The following RUVBL1 variants were observed in gnomAD, a reference collection of about 807,000 sequenced individuals.
The protein encoded by RUVBL1 is RuvB like AAA ATPase 1.
A neutral mutation model predicts 52.4 loss-of-function variants in RUVBL1; 4 were observed. That is an observed-to-expected ratio of 0.08 (90% CI 0.04 to 0.17). The LOEUF (loss-of-function observed/expected upper bound fraction) is 0.17, where lower values mean the gene tolerates loss of function less well. Among genes scored for constraint, RUVBL1 ranks in the 10% least tolerant of loss-of-function variants. The pLI is 1.00. For synonymous variants in RUVBL1, 217 were observed against 214.4 expected, an observed-to-expected ratio of 1.01 and a Z score of -0.10; for missense variants, 298 against 572.8, an observed-to-expected ratio of 0.52 and a Z score of 4.90.
intron 1 of RUVBL1, among the ~76,000 whole-genome samples, chr3:128,151,204 C>T (rs577808606): frequency 6.1e-5 from 8 of 130,998 alleles, no homozygotes; most frequent in African/African-American, 2.3e-4. Flanking sequence ...TCTATATATT[C>T]TATATATACA....
intron 3 of RUVBL1, among the ~76,000 whole-genome samples, chr3:128,108,885 C>A (rs1337637410): frequency 6.6e-6 from 1 of 152,136 alleles, no homozygotes; most frequent in Non-Finnish European, 1.5e-5. Flanking sequence ...TAAAAATCCA[C>A]AAAGTACACT....
At chr3:128,121,220 C>T (rs1195745288) in intron 1 of RUVBL1, among the ~76,000 whole-genome samples, 3 of 151,204 alleles carry the variant, frequency 2.0e-5, no homozygotes, top group East Asian at 2.1e-4. Context: ...CTCAGCCTCA[C>T]GAATAACTGA....
intron 1 of RUVBL1, among the ~76,000 whole-genome samples, chr3:128,152,506 G>C (rs1387564673): frequency 6.6e-6 from 1 of 152,052 alleles, no homozygotes; most frequent in Non-Finnish European, 1.5e-5. Flanking sequence ...TTTTCCCTAG[G>C]AGACTTCTCG....
chr3:128,143,362 G>A (rs748806897), intron 1 of RUVBL1, among the ~76,000 whole-genome samples: 1 of 151,832 alleles, frequency 6.6e-6, no homozygotes, highest in African/African-American at 2.4e-5. Context: ...TAGTAGAGAC[G>A]AGGTTTCATT....
At chr3:128,124,775 C>T (rs948911549), upstream of RUVBL1, among the ~76,000 whole-genome samples, 1 of 152,192 alleles carries the variant, frequency 6.6e-6, no homozygotes, top group African/African-American at 2.4e-5. Context: ...GCCCCCGGAA[C>T]AGCCTGGAGA....
chr3:128,099,965 T>A (rs1943075126), intron 6 of RUVBL1, among the ~76,000 whole-genome samples: 1 of 152,170 alleles, frequency 6.6e-6, no homozygotes, highest in African/African-American at 2.4e-5. Flanking sequence ...AGGGGACCTG[T>A]TGGTCCAAGA....
intron 2 of RUVBL1, among the ~76,000 whole-genome samples, chr3:128,118,249 T>C (rs1943570723): frequency 6.6e-6 from 1 of 152,218 alleles, no homozygotes; most frequent in Non-Finnish European, 1.5e-5. Context: ...TTTAAAAAAC[T>C]GTTCACAATT....
chr3:128,065,127 A>C (rs572897339), exon 10 of RUVBL1: 908 of 1,313,654 alleles, frequency 6.9e-4, no homozygotes, highest in Middle Eastern at 4.3e-3. Flanking sequence ...TGTGGGGTGC[A>C]CTGTCATCAT....
At chr3:128,149,089 ATAAT>A (rs1292061823) in intron 1 of RUVBL1, among the ~76,000 whole-genome samples, 1 of 143,698 alleles carries the variant, frequency 7.0e-6, no homozygotes, top group East Asian at 1.9e-4. Flanking sequence ...TGTGTCTGAT[ATAAT>A]TTCTTTTTTC....
chr3:128,129,452 A>G (rs1270720970), intron 1 of RUVBL1, among the ~76,000 whole-genome samples: 1 of 152,206 alleles, frequency 6.6e-6, no homozygotes, highest in Non-Finnish European at 1.5e-5. Context: ...GCTATAATAA[A>G]AAAGAAGAAA....
chr3:128,109,010 C>G (rs1471259145), intron 3 of RUVBL1, among the ~76,000 whole-genome samples: 1 of 151,958 alleles, frequency 6.6e-6, no homozygotes, highest in Non-Finnish European at 1.5e-5. Context: ...AAAATTAAGC[C>G]CCATGGTTTA....
intron 1 of RUVBL1, among the ~76,000 whole-genome samples, chr3:128,145,208 C>A (rs149178004): frequency 1.3e-5 from 2 of 152,168 alleles, no homozygotes; most frequent in East Asian, 3.9e-4. Flanking sequence ...ATAGACATAC[C>A]AATTCATATA....
At chr3:128,096,530 G>A (rs573129341) in intron 8 of RUVBL1, among the ~76,000 whole-genome samples, 2 of 152,194 alleles carry the variant, frequency 1.3e-5, no homozygotes, top group Non-Finnish European at 2.9e-5. Flanking sequence ...GTCTGGGATA[G>A]AAAGAAAATG....
intron 1 of RUVBL1, among the ~76,000 whole-genome samples, chr3:128,153,051 T>G (rs749851305): frequency 8.8e-4 from 110 of 124,930 alleles, no homozygotes; most frequent in African/African-American, 3.1e-3. Flanking sequence ...AGAGCGCCCT[T>G]TTTTCAATCC....
At chr3:128,094,782 G>A (rs1189067412) in intron 8 of RUVBL1, among the ~76,000 whole-genome samples, 1 of 152,206 alleles carries the variant, frequency 6.6e-6, no homozygotes, top group Non-Finnish European at 1.5e-5. Context: ...CTAGAGATCA[G>A]ATGTGGTTCT....
chr3:128,100,438 C>T (rs572166334), intron 6 of RUVBL1, among the ~76,000 whole-genome samples, 157 bp downstream of exon 6: 2 of 152,280 alleles, frequency 1.3e-5, no homozygotes, highest in East Asian at 3.9e-4. Flanking sequence ...CAAAGGAGTC[C>T]CTCGTAGCTC....
chr3:128,080,670 C>T (rs1942444595), downstream of RUVBL1, among the ~76,000 whole-genome samples: 1 of 152,222 alleles, frequency 6.6e-6, no homozygotes, highest in Admixed American at 6.5e-5. Flanking sequence ...CTCCTCAAAA[C>T]TGTCAGGGTC....
intron 1 of RUVBL1, among the ~76,000 whole-genome samples, chr3:128,136,980 CTTAATAGATAT>C (rs139098525): frequency 0.14 from 21,036 of 152,074 alleles, 1,635 homozygotes; most frequent in African/African-American, 0.2. Flanking sequence ...ACCAAATGGA[CTTAATAGATAT>C]TTACAGAACA....
At chr3:128,136,196 A>G (rs1388303590) in intron 1 of RUVBL1, among the ~76,000 whole-genome samples, 4 of 152,106 alleles carry the variant, frequency 2.6e-5, no homozygotes, top group Admixed American at 6.5e-5. Context: ...AAGGAAGGAA[A>G]AAAGGAAGGA....
Sources: allele counts gnomAD v4.1 joint callset (sites outside exome capture counted in the v4.1 genomes callset), GRCh38; gene constraint gnomAD v4.1.1; transcripts MANE v1.5; gene names NCBI Gene and HGNC (gene_info 2026-07-23, HGNC 2026-07-21).